The following CNST variants were observed in gnomAD, a reference collection of about 807,000 sequenced individuals.
CNST encodes consortin.
CNST carries 39 observed loss-of-function variants against 72.4 expected under a neutral mutation model. The observed-to-expected ratio is 0.54, with a 90% confidence interval of 0.42 to 0.70. CNST has a LOEUF of 0.70. Ranked by LOEUF, CNST falls within the 30% of genes least tolerant of loss-of-function variation. The pLI, the probability that CNST is intolerant of heterozygous loss-of-function variation, is 0.00. For synonymous variants in CNST, 332 were observed against 320.1 expected (o/e 1.04, Z -0.40); for missense variants, 871 against 868.5 (o/e 1.00, Z -0.04).
chr1:246,666,422 A>T lies in CNST; in HGVS notation c.*517A>T, dbSNP rs1310951671. On this transcript the variant is annotated 3_prime_UTR_variant, in exon 11 of 11. Coordinates refer to ENST00000366513, the MANE Select transcript of CNST (RefSeq NM_152609.3). ...ATTATTTCACTTCTGTTCTCCACTT[A>T]TGAAGTGATTGTGTGTTTGCGTGTG... 6.5e-6 allele frequency: 1 copy of T among 153,214 alleles called. No individual in the cohort carries two copies. Among genetic ancestry groups the T allele is most frequent in the Admixed American group, 6.5e-5 (1 of 15,348 alleles). 9.5% of individuals were successfully genotyped at this position (153,214 alleles called of 1,614,324 possible).
chr1:246,639,318 T>A (rs1665526303), intron 6 of CNST, among the ~76,000 whole-genome samples: 1 of 152,054 alleles, frequency 6.6e-6, no homozygotes, highest in Non-Finnish European at 1.5e-5. Flanking sequence ...GGAGAGGGCC[T>A]TTAGTAGCTT....
intron 1 of CNST, among the ~76,000 whole-genome samples, chr1:246,574,932 G>A (rs1472339549): frequency 6.6e-6 from 1 of 151,798 alleles, no homozygotes; most frequent in Non-Finnish European, 1.5e-5. Flanking sequence ...GAAAGTCATA[G>A]TGAGTCAAAG....
chr1:246,571,115 TTC>T (rs779830373), intron 1 of CNST, among the ~76,000 whole-genome samples: 33 of 152,336 alleles, frequency 2.2e-4, no homozygotes, highest in Non-Finnish European at 3.7e-4. Flanking sequence ...ATTAGCAGAA[TTC>T]TGAAGTCTTA....
intron 8 of CNST, among the ~76,000 whole-genome samples, chr1:246,643,847 G>A (rs73134607): frequency 0.038 from 5,830 of 152,228 alleles, 338 homozygotes; most frequent in African/African-American, 0.12. Flanking sequence ...AATTATGGTG[G>A]AGTTTTTTTC....
intron 3 of CNST, among the ~76,000 whole-genome samples, chr1:246,625,547 G>A (rs1326268137): frequency 1.3e-5 from 2 of 149,008 alleles, no homozygotes; most frequent in African/African-American, 4.9e-5. Flanking sequence ...TCAGCCTCCT[G>A]AGTAGCTGGG....
rs778864943 is a variant in CNST, at chr1:246,647,537, T to C, written c.1336T>C (p.Leu446=). Residue 446 remains leucine (L), a synonymous_variant, in exon 9 of 11, where the codon TTG becomes CTG. Coordinates refer to ENST00000366513, the MANE Select transcript of CNST (RefSeq NM_152609.3). ...AGGCTGTGACCGTATACCTCCTGCA[T>C]TGATTTCTGAGGGTAAATATTCACA... is the stretch of plus-strand genomic sequence containing the variant. The part of the protein sequence containing the change: ...SPGCDRIPPA[L]ISEGKYSQAQ... 16 of 1,614,078 alleles carry C rather than the reference T, an allele frequency of 9.9e-6. No homozygotes were observed. Among genetic ancestry groups the C allele is most frequent in the African/African-American group, 4.0e-5 (3 of 74,928 alleles).
intron 2 of CNST, among the ~76,000 whole-genome samples, chr1:246,610,352 A>G (rs1663229567): frequency 6.6e-6 from 1 of 151,898 alleles, no homozygotes; most frequent in South Asian, 2.1e-4. Context: ...TGATATTCTC[A>G]TTTTTTCCTA....
chr1:246,583,465 A>G (rs1448312080), intron 1 of CNST, among the ~76,000 whole-genome samples: 1 of 152,254 alleles, frequency 6.6e-6, no homozygotes, highest in African/African-American at 2.4e-5. Context: ...GACATAGCGT[A>G]TAATTCATTA....
At chr1:246,572,633 G>A (rs569601664) in intron 1 of CNST, among the ~76,000 whole-genome samples, 269 of 152,242 alleles carry the variant, frequency 1.8e-3, no homozygotes, top group Non-Finnish European at 6.8e-4. Context: ...TTATAGACGT[G>A]AGCCACCACT....
chr1:246,642,649 G>A (rs1444160668), intron 8 of CNST, among the ~76,000 whole-genome samples: 1 of 150,872 alleles, frequency 6.6e-6, no homozygotes, highest in Admixed American at 6.6e-5. Flanking sequence ...CATTATAAAA[G>A]CTTTAGAAAA....
intron 1 of CNST, among the ~76,000 whole-genome samples, chr1:246,586,324 C>T (rs1476859322): frequency 6.8e-6 from 1 of 146,186 alleles, no homozygotes; most frequent in Non-Finnish European, 1.5e-5. Flanking sequence ...TCTTATGTAT[C>T]ATCTATATCA....
At chr1:246,639,026 GT>G (rs1665498836) in intron 6 of CNST, among the ~76,000 whole-genome samples, 4 of 152,308 alleles carry the variant, frequency 2.6e-5, no homozygotes, top group Non-Finnish European at 4.4e-5. Flanking sequence ...CGAAGGGATA[GT>G]TTTAGGCTTC....
chr1:246,627,454 G>A (rs4129249), intron 3 of CNST, among the ~76,000 whole-genome samples: 65,720 of 152,034 alleles, frequency 0.43, 15,190 homozygotes, highest in East Asian at 0.67. Context: ...AAGCCACTAG[G>A]TGATGTGCTC....
intron 2 of CNST, among the ~76,000 whole-genome samples, chr1:246,614,906 G>A (rs1043514299): frequency 3.9e-5 from 6 of 152,128 alleles, no homozygotes; most frequent in Admixed American, 3.9e-4. Flanking sequence ...TATTCACAGA[G>A]CATTGTGAAT....
At chr1:246,659,250 C>T (rs1026490062) in intron 9 of CNST, among the ~76,000 whole-genome samples, 3 of 152,204 alleles carry the variant, frequency 2.0e-5, no homozygotes, top group Admixed American at 6.5e-5. Context: ...GTAGGCAGCA[C>T]TGGCCTTTGG....
At position 246,636,654 on chromosome 1, in the gene CNST, G is replaced by A. The variant is rs554425459; in HGVS notation, c.818+2067G>A. The stretch of plus-strand genomic sequence containing the variant: ...TCTTTCTGTCTTCGAGCACTTGAGC[G>A]TTTGCTCCCCATTGTCCAATTTTGG... On this transcript the variant is annotated intron_variant, in intron 6 of 10. Coordinates refer to ENST00000366513, the MANE Select transcript of CNST (RefSeq NM_152609.3). Among the ~76,000 whole-genome samples, 92 of 152,332 alleles carry A rather than the reference G, an allele frequency of 6.0e-4. No individual in the cohort carries two copies. The South Asian group carries it at 0.015, about 25-fold the overall frequency.
chr1:246,662,880 A>G (rs991166195), intron 10 of CNST, among the ~76,000 whole-genome samples: 1 of 152,210 alleles, frequency 6.6e-6, no homozygotes, highest in Non-Finnish European at 1.5e-5. Flanking sequence ...TGTGGCTCAC[A>G]TCGGACAGTA....
At chr1:246,640,325 C>T (rs757229386) in intron 6 of CNST, among the ~76,000 whole-genome samples, 5 of 152,138 alleles carry the variant, frequency 3.3e-5, no homozygotes, top group African/African-American at 4.8e-5. Flanking sequence ...AAAAACATAA[C>T]ATTTTTAGGA....
chr1:246,634,071 A>G (rs1379632435), intron 5 of CNST, 61 bp downstream of exon 5: 8 of 1,036,252 alleles, frequency 7.7e-6, no homozygotes, highest in African/African-American at 1.6e-5. Flanking sequence ...ACTATCTACA[A>G]AATTAACATA....
Sources: allele counts gnomAD v4.1 joint callset (sites outside exome capture counted in the v4.1 genomes callset), GRCh38; gene constraint gnomAD v4.1.1; transcripts MANE v1.5; gene names NCBI Gene and HGNC (gene_info 2026-07-23, HGNC 2026-07-21).